Variants in LIN54 observed in about 807,000 individuals in gnomAD.
LIN54 encodes protein lin-54 homolog.
In LIN54, 9 loss-of-function variants were observed where a neutral mutation model predicts 78.7. The ratio of observed to expected loss-of-function variants is 0.11; its 90% confidence interval spans 0.07 to 0.20. LIN54 has a LOEUF of 0.20. Among genes scored for constraint, LIN54 ranks in the 10% least tolerant of loss-of-function variants. LIN54 has a pLI of 1.00. For missense variants in LIN54, 573 were observed against 889.9 expected, an observed-to-expected ratio of 0.64 and a Z score of 4.53; for synonymous variants, 269 against 318.4, an observed-to-expected ratio of 0.84 and a Z score of 1.65.
chr4:82,954,188 G>A (rs940703492), intron 4 of LIN54, among the ~76,000 whole-genome samples: 4 of 151,918 alleles, frequency 2.6e-5, no homozygotes, highest in South Asian at 2.1e-4. Flanking sequence ...TATTTAATGT[G>A]AAATTTCTGC....
intron 4 of LIN54, among the ~76,000 whole-genome samples, chr4:82,951,941 C>A (rs1366519042): frequency 6.6e-6 from 1 of 152,000 alleles, no homozygotes; most frequent in Non-Finnish European, 1.5e-5. Context: ...TGAAGTTGGA[C>A]CCTCACCTAC....
chr4:82,935,241 T>G (rs1305484432), intron 11 of LIN54, among the ~76,000 whole-genome samples: 2 of 149,552 alleles, frequency 1.3e-5, no homozygotes, highest in African/African-American at 4.9e-5. Context: ...TACCTTGGGA[T>G]GCAGGCTATT....
intron 3 of LIN54, among the ~76,000 whole-genome samples, chr4:82,974,947 G>C (rs1726039603): frequency 6.6e-6 from 1 of 151,926 alleles, no homozygotes; most frequent in Non-Finnish European, 1.5e-5. Context: ...AGGAGTTTTT[G>C]TTTAATGGGC....
At chr4:82,974,225 C>G (rs1346448833) in intron 3 of LIN54, among the ~76,000 whole-genome samples, 1 of 149,110 alleles carries the variant, frequency 6.7e-6, no homozygotes, top group African/African-American at 2.5e-5. Context: ...AACAAACAAA[C>G]CAAAAAAAAA....
intron 4 of LIN54, among the ~76,000 whole-genome samples, chr4:82,950,052 G>A (rs909024126): frequency 6.6e-6 from 1 of 151,854 alleles, no homozygotes; most frequent in African/African-American, 2.4e-5. Context: ...CGCCATGTTG[G>A]CCAGGCTGGT....
At chr4:82,985,974 T>C (rs1198453542) in intron 1 of LIN54, among the ~76,000 whole-genome samples, 1 of 152,236 alleles carries the variant, frequency 6.6e-6, no homozygotes, top group East Asian at 1.9e-4. Flanking sequence ...CAAAGGTCTG[T>C]AGAACTTCCA....
intron 9 of LIN54, among the ~76,000 whole-genome samples, chr4:82,936,680 A>AAATTATATAAATTATATGTCACACATAT (rs1256096516): frequency 8.5e-3 from 2 of 234 alleles, no homozygotes; most frequent in Non-Finnish European, 0.5. Context: ...TCACACATAT[A>AAATTATATAAATTATATGTCACACATAT]AATTTTATGT....
chr4:83,012,402 C>G (rs1476571944), upstream of LIN54, among the ~76,000 whole-genome samples: 2 of 152,110 alleles, frequency 1.3e-5, no homozygotes, highest in African/African-American at 2.4e-5. Context: ...AATGACACAG[C>G]AGCAAAACCG....
In LIN54 at chr4:83,010,700, G is replaced by C; in HGVS notation, c.-249C>G. ...GACGTCGCCGTCGCCGCCGCCTCTGGTATGTCAGGGGCCGGGATTGTATTT... is the reference window on the plus strand; with the variant it reads ...GACGTCGCCGTCGCCGCCGCCTCTGCTATGTCAGGGGCCGGGATTGTATTT... On this transcript the variant is annotated 5_prime_UTR_variant, in exon 1 of 13. Coordinates refer to ENST00000340417, the MANE Select transcript of LIN54 (RefSeq NM_194282.4). The C allele has an allele frequency of 8.1e-7, 1 of 1,231,866 alleles. No homozygotes were observed. Among genetic ancestry groups the C allele is most frequent in the Non-Finnish European group, 1.0e-6 (1 of 987,844 alleles). The allele number at this position is 1,231,866 out of a possible 1,614,324, so 76.3% of individuals were successfully genotyped here.
At position 82,928,246 on chromosome 4, in the gene LIN54, A is replaced by C. The variant is rs1312118147; in HGVS notation, c.2106T>G (p.Leu702=). ...TCTTGTCTGCCTGCTCTGCCTGGGC[A>C]AGGAGGCAATTACATGTGGCTTCAG... ...EVAEATCNCL[L]AQAEQADKKG... is the part of the protein sequence containing the mutation. Residue 702 remains leucine, a synonymous_variant, in exon 13 of 13, where the codon CTT becomes CTG. Transcript: ENST00000340417. 6.2e-7 allele frequency: 1 copy of C among 1,614,078 alleles called. No individual in the cohort carries two copies. The highest frequency in any genetic ancestry group is 1.3e-5 in the African/African-American group (1 of 74,958).
In LIN54 at chr4:82,937,266, C is replaced by T. The variant is rs918493859; in HGVS notation, c.1565G>A (p.Arg522Gln). 1.3e-6 allele frequency: 2 copies of T among 1,580,182 alleles called. No homozygotes were observed. The highest frequency in any genetic ancestry group is 8.7e-7 in the Non-Finnish European group (1 of 1,149,220). ...IIPSESASRPRKPCNCTKSLC... is the reference protein window; with the variant it reads ...IIPSESASRPQKPCNCTKSLC... The stretch of plus-strand genomic sequence containing the variant: ...TGATTTTGTACAATTACAGGGCTTT[C>T]GGGGCCGACTGGCCGACTCTGATGG... Residue 522 changes from arginine (R) to glutamine (Q), a missense_variant, in exon 9 of 13, where the codon CGA becomes CAA. By Grantham distance (43) the Arg-to-Gln change is conservative. Around this residue, in one of 6 missense-constraint regions of LIN54, gnomAD observed 101 missense variants for 194.2 expected, o/e 0.52. Transcript: ENST00000340417.
intron 12 of LIN54, 62 bp downstream of exon 12, chr4:82,930,881 G>T: frequency 1.3e-6 from 2 of 1,515,034 alleles, no homozygotes; most frequent in South Asian, 1.2e-5. Context: ...TTTGCCCCCT[G>T]AAAAGAAACT....
chr4:82,939,503 C>G, intron 7 of LIN54, 36 bp downstream of exon 7: 3 of 1,551,852 alleles, frequency 1.9e-6, no homozygotes, highest in African/African-American at 1.4e-5. Flanking sequence ...CCCATTATCA[C>G]TTTTGCAATA....
chr4:82,969,803 C>T (rs12505358), intron 4 of LIN54, among the ~76,000 whole-genome samples: 64,076 of 152,090 alleles, frequency 0.42, 16,726 homozygotes, highest in Admixed American at 0.58. Context: ...AGATGACTTA[C>T]TTTGCCTCAC....
intron 2 of LIN54, 136 bp downstream of exon 2, chr4:82,984,025 C>T: frequency 7.7e-6 from 5 of 648,674 alleles, no homozygotes; most frequent in Middle Eastern, 4.0e-4. Context: ...AAAACACACA[C>T]ACACAATTAC....
At chr4:82,952,133 TA>T (rs973501654) in intron 4 of LIN54, among the ~76,000 whole-genome samples, 3 of 152,174 alleles carry the variant, frequency 2.0e-5, no homozygotes, top group African/African-American at 7.2e-5. Context: ...ATGGATATCA[TA>T]AAAATTTTTA....
chr4:83,011,433 C>G (rs916825052), upstream of LIN54, among the ~76,000 whole-genome samples: 26 of 152,082 alleles, frequency 1.7e-4, no homozygotes, highest in African/African-American at 6.0e-4. Context: ...CTGCGACTTC[C>G]AATCTGTCAT....
intron 1 of LIN54, among the ~76,000 whole-genome samples, chr4:82,990,483 A>T (rs1271287351): frequency 6.6e-6 from 1 of 151,678 alleles, no homozygotes; most frequent in Non-Finnish European, 1.5e-5. Context: ...AGGTAACACA[A>T]ATCTTTTTTT....
At chr4:82,958,570 A>G (rs1020751) in intron 4 of LIN54, among the ~76,000 whole-genome samples, 149,074 of 152,330 alleles carry the variant, frequency 0.98, 73,022 homozygotes, top group East Asian at 1. Context: ...AAATATTTGC[A>G]TTTAAAAATA....
Sources: allele counts gnomAD v4.1 joint callset (sites outside exome capture counted in the v4.1 genomes callset), GRCh38; gene constraint gnomAD v4.1.1; regional missense constraint gnomAD v4.1.1; transcripts MANE v1.5; gene names NCBI Gene and HGNC (gene_info 2026-07-23, HGNC 2026-07-21).